Variants in TENM3 observed in about 807,000 individuals in gnomAD.
TENM3 encodes teneurin transmembrane protein 3.
Under a neutral mutation model 255.1 loss-of-function variants are expected in TENM3, and 63 were observed. The ratio of observed to expected loss-of-function variants is 0.25; its 90% CI spans 0.20 to 0.30. TENM3 has a LOEUF of 0.30. TENM3 is among the 10% of genes least tolerant of loss of function. The probability of loss-of-function intolerance (pLI) is 1.00; values close to 1 mark genes in which losing one functional copy is unlikely to be tolerated. For missense variants in TENM3, 2,929 were observed against 3,461.1 expected (o/e 0.85, Z 3.86); for synonymous variants, 1,306 against 1,322.3 (o/e 0.99, Z 0.27).
chr4:181,823,591 T>G, the TENM3 span, among the ~76,000 whole-genome samples: 10 of 152,272 alleles, frequency 6.6e-5, no homozygotes, highest in East Asian at 1.9e-3. Context: ...CTTTAAATAA[T>G]TTATATATGA....
chr4:182,242,963 T>C (rs1757375103), upstream of TENM3, among the ~76,000 whole-genome samples: 1 of 152,164 alleles, frequency 6.6e-6, no homozygotes, highest in Non-Finnish European at 1.5e-5. Context: ...AATCACTAGG[T>C]TTCTGACTTG....
the TENM3 span, among the ~76,000 whole-genome samples, chr4:181,842,378 A>G: frequency 6.6e-6 from 1 of 152,138 alleles, no homozygotes; most frequent in African/African-American, 2.4e-5. Context: ...ATCTAATTCT[A>G]TATCTGCCTG....
the TENM3 span, among the ~76,000 whole-genome samples, chr4:181,596,145 T>C: frequency 1.3e-5 from 2 of 152,290 alleles, no homozygotes; most frequent in East Asian, 3.9e-4. Context: ...TAAAACCAAA[T>C]TATAAGTAAC....
chr4:181,888,494 G>GTATATATATATATGTATATATATATATA, the TENM3 span, among the ~76,000 whole-genome samples: 1 of 28,242 alleles, frequency 3.5e-5, no homozygotes, highest in African/African-American at 1.7e-4. Flanking sequence ...ATAGAAATGT[G>GTATATATATATATGTATATATATATATA]TATATATATA....
At chr4:182,678,932 A>G (rs141478478) in intron 7 of TENM3, among the ~76,000 whole-genome samples, 102 of 152,304 alleles carry the variant, frequency 6.7e-4, no homozygotes, top group African/African-American at 2.2e-3. Context: ...AAAGAGGAGA[A>G]TGATGGTTCT....
the TENM3 span, among the ~76,000 whole-genome samples, chr4:181,634,049 C>T: frequency 6.6e-6 from 1 of 152,178 alleles, no homozygotes; most frequent in African/African-American, 2.4e-5. Flanking sequence ...CATCCGTAGC[C>T]TCAGTCTAAC....
the TENM3 span, chr4:181,980,476 C>A: frequency 6.6e-6 from 1 of 152,096 alleles, no homozygotes; most frequent in African/African-American, 2.4e-5. Flanking sequence ...GGGGGAAGGT[C>A]AAAAATGGCT....
chr4:181,771,722 G>T, the TENM3 span, among the ~76,000 whole-genome samples: 1 of 152,216 alleles, frequency 6.6e-6, no homozygotes, highest in African/African-American at 2.4e-5. Flanking sequence ...GCAGATTCTG[G>T]TTAAGTAGTT....
chr4:181,466,255 T>C, the TENM3 span, among the ~76,000 whole-genome samples: 1 of 151,936 alleles, frequency 6.6e-6, no homozygotes, highest in Admixed American at 6.6e-5. Flanking sequence ...GTAGCTGGGA[T>C]TACAGGCATG....
chr4:181,712,779 G>A, the TENM3 span, among the ~76,000 whole-genome samples: 18 of 152,092 alleles, frequency 1.2e-4, no homozygotes, highest in Non-Finnish European at 2.4e-4. Context: ...TTTAAAAATA[G>A]AAATTACAAA....
chr4:182,586,664 G>A (rs1304330132), intron 3 of TENM3, among the ~76,000 whole-genome samples: 2 of 152,142 alleles, frequency 1.3e-5, no homozygotes, highest in African/African-American at 2.4e-5. Context: ...GAATAGAAAG[G>A]ATACGCTGGG....
the TENM3 span, among the ~76,000 whole-genome samples, chr4:181,605,604 A>AG: frequency 4.7e-5 from 6 of 126,502 alleles, 1 homozygote; most frequent in Admixed American, 2.5e-4. Flanking sequence ...AAAGAAAGAA[A>AG]GAAAGAAAGA....
chr4:182,389,691 C>CT (rs3072378), intron 3 of TENM3, among the ~76,000 whole-genome samples: 2 of 133,198 alleles, frequency 1.5e-5, no homozygotes, highest in African/African-American at 2.8e-5. Flanking sequence ...GTAGATGACT[C>CT]TTTTTTTTTT....
At chr4:181,954,289 A>G in the TENM3 span, among the ~76,000 whole-genome samples, 2 of 152,194 alleles carry the variant, frequency 1.3e-5, no homozygotes, top group Non-Finnish European at 2.9e-5. Flanking sequence ...ATAAATTCCT[A>G]GAGGTAGAAT....
chr4:182,793,081 C>T lies in TENM3; in HGVS notation c.6409C>T (p.Gln2137Ter). 1 of 1,613,964 alleles carries T rather than the reference C, an allele frequency of 6.2e-7. No homozygotes were observed. The highest frequency in any genetic ancestry group is 8.5e-7 in the Non-Finnish European group (1 of 1,179,886). The change falls in exon 26 of 28, where the codon CAG becomes TAG. Residue 2137 changes from glutamine to a stop codon, truncating the protein, a stop_gained. Transcript: ENST00000511685. LOFTEE classifies it high-confidence loss of function. This position sits in a 1 kb window ranked among gnomAD's most constrained non-coding sequence, Gnocchi z 5.7. ...TGCTTATGAATATGATGTTGATGGA[C>T]AGCTCCAAACAGTTTACCTCAATGA... is the stretch of plus-strand genomic sequence containing the variant. ...KYAYEYDVDGQLQTVYLNEKI... is the reference protein window; with the variant it reads ...KYAYEYDVDG
the TENM3 span, among the ~76,000 whole-genome samples, chr4:181,568,615 G>A: frequency 6.6e-6 from 1 of 152,132 alleles, no homozygotes; most frequent in African/African-American, 2.4e-5. Context: ...CTGGTACCTA[G>A]GACCTTTATT....
intron 24 of TENM3, among the ~76,000 whole-genome samples, chr4:182,783,132 T>C (rs1160431494): frequency 1.3e-5 from 2 of 152,120 alleles, no homozygotes; most frequent in Non-Finnish European, 2.9e-5. Flanking sequence ...CGTTAGTTGA[T>C]GCAGTTTCTT....
chr4:182,173,058 A>C (rs1011605059), intron 1 of TENM3, among the ~76,000 whole-genome samples: 1 of 152,230 alleles, frequency 6.6e-6, no homozygotes, highest in African/African-American at 2.4e-5. Flanking sequence ...GATTCTGAGA[A>C]TAAATGTTAA....
intron 1 of TENM3, among the ~76,000 whole-genome samples, chr4:182,313,354 T>TCATC (rs1423776525): frequency 1.3e-5 from 2 of 151,938 alleles, no homozygotes; most frequent in African/African-American, 4.8e-5. Flanking sequence ...TCATGATAAT[T>TCATC]CATCCATGAT....
Sources: gnomAD v4.1 joint callset for allele counts (sites outside exome capture counted in the v4.1 genomes callset) on GRCh38, gnomAD v4.1.1 for gene constraint, Gnocchi (gnomAD v3.1) non-coding constraint, MANE v1.5 for transcripts, NCBI Gene and HGNC (gene_info 2026-07-23, HGNC 2026-07-21) for gene names.